The following ZNF423 variants were observed in gnomAD, a reference collection of about 807,000 sequenced individuals.
ZNF423 encodes the protein Ebf-associated zinc finger protein.
ZNF423 carries 12 observed loss-of-function variants against 95.8 expected under a neutral mutation model. The observed-to-expected ratio is 0.13, with a 90% CI of 0.08 to 0.20. The LOEUF is 0.20. Ranked by LOEUF, ZNF423 falls within the 10% of genes least tolerant of loss-of-function variation. The pLI, the probability that ZNF423 is intolerant of heterozygous loss-of-function variation, is 1.00. For missense variants in ZNF423, 1,316 were observed against 1,737.1 expected (o/e 0.76, Z 4.31); for synonymous variants, 749 against 711.9 (o/e 1.05, Z -0.83).
At chr16:49,771,192 C>CTTTTTTTTTTTT (rs71380376) in intron 2 of ZNF423, among the ~76,000 whole-genome samples, 263 of 89,400 alleles carry the variant, frequency 2.9e-3, no homozygotes, top group East Asian at 4.1e-3. Context: ...TTTTTTTTTT[C>CTTTTTTTTTTTT]TTTTTTTTTT....
intron 3 of ZNF423, among the ~76,000 whole-genome samples, chr16:49,705,985 CT>C (rs1264668178): frequency 1.3e-5 from 2 of 152,146 alleles, no homozygotes; most frequent in Non-Finnish European, 2.9e-5. Flanking sequence ...TCAGGAAAGG[CT>C]TCCAGGAAGA....
chr16:49,548,037 T>G (rs1482268175), intron 5 of ZNF423, among the ~76,000 whole-genome samples: 1 of 152,192 alleles, frequency 6.6e-6, no homozygotes, highest in Non-Finnish European at 1.5e-5. Context: ...GGAAAATGTA[T>G]CTGCCACTTT....
In ZNF423 at chr16:49,638,574, T is replaced by C. The variant is rs1210659727; in HGVS notation, c.602A>G (p.Lys201Arg). Residue 201 changes from lysine to arginine, a missense_variant, in exon 4 of 8, where the codon AAG (lysine) becomes AGG (arginine). Around this residue, in one of 6 missense-constraint regions of ZNF423, gnomAD observed 58 missense variants for 116.9 expected, o/e 0.50. Coordinates refer to ENST00000563137, the MANE Select transcript of ZNF423 (RefSeq NM_001379286.1). This position sits in a 1 kb window ranked among gnomAD's most constrained non-coding sequence, Gnocchi z 5.6. ...TGCCTCGCACTCGTGGCAGTGATAC[T>C]TCTTGTCGCCCGTATGCAGCTTGAT... ...RHIKLHTGDK[K>R]YHCHECEAAF... is the part of the protein sequence containing the mutation. 6.2e-7 allele frequency: 1 copy of C among 1,613,848 alleles called. No homozygotes were observed. Among genetic ancestry groups the C allele is most frequent in the Admixed American group, 1.7e-5 (1 of 60,018 alleles).
rs1972659667 is a variant in ZNF423, at chr16:49,635,601, G to A, written c.3516+59C>T. 1 of 1,499,536 alleles carries A rather than the reference G, an allele frequency of 6.7e-7. No individual in the cohort carries two copies. The highest frequency in any genetic ancestry group is 8.9e-7 in the Non-Finnish European group (1 of 1,126,668). The allele number at this position is 1,499,536 out of a possible 1,614,324, so 92.9% of individuals were successfully genotyped here. A position where few individuals can be genotyped will look rare whatever the true frequency, so the allele number is the denominator to read the frequency against. Reference sequence around the variant, plus strand: ...GCACTCAGGGTACGTGGCTCCTGTGGGGACCAGAGGAGCCCCAAGGAGAGG... The same window carrying A: ...GCACTCAGGGTACGTGGCTCCTGTGAGGACCAGAGGAGCCCCAAGGAGAGG... On this transcript the variant is annotated intron_variant, in intron 4 of 7. Transcript: ENST00000563137. The surrounding 1 kb of genome is among the most constrained non-coding windows in gnomAD (Gnocchi z 4.8).
At chr16:49,630,610 T>A (rs1358740926) in intron 4 of ZNF423, among the ~76,000 whole-genome samples, 1 of 151,998 alleles carries the variant, frequency 6.6e-6, no homozygotes, top group Non-Finnish European at 1.5e-5. Context: ...GCGATTTGCT[T>A]GGGTGCAAGT....
chr16:49,514,251 C>A (rs1435997507), intron 7 of ZNF423, among the ~76,000 whole-genome samples: 4 of 144,440 alleles, frequency 2.8e-5, no homozygotes, highest in African/African-American at 1.1e-4. Flanking sequence ...CACACGCACA[C>A]ACACACACAC....
rs535677195 is a variant in ZNF423, at chr16:49,816,944, C to G, written c.41-27398G>C. ...AATCAGTATGCTCAAGGCACCATCC[C>G]AAGTACTGAGGACACAGTTGACTGC... is the stretch of plus-strand genomic sequence containing the variant. On this transcript the variant is annotated intron_variant, in intron 1 of 7. Coordinates refer to ENST00000563137, the MANE Select transcript of ZNF423 (RefSeq NM_001379286.1). Among the ~76,000 whole-genome samples the G allele has an allele frequency of 5.9e-4, 90 of 152,284 alleles. 1 individual carries two copies. The highest frequency in any genetic ancestry group is 2.1e-3 in the African/African-American group (88 of 41,530).
At chr16:49,755,424 T>G (rs2033708493) in intron 2 of ZNF423, among the ~76,000 whole-genome samples, 1 of 152,150 alleles carries the variant, frequency 6.6e-6, no homozygotes. Flanking sequence ...CAAGGAAAGT[T>G]CATTTCTGCT....
At chr16:49,573,062 G>A (rs1028039239) in intron 5 of ZNF423, among the ~76,000 whole-genome samples, 5 of 152,288 alleles carry the variant, frequency 3.3e-5, no homozygotes, top group East Asian at 1.9e-4. Flanking sequence ...GCAAATGGGC[G>A]AGTGAATGGT....
chr16:49,724,243 T>C (rs965324702), intron 3 of ZNF423, among the ~76,000 whole-genome samples: 2 of 152,236 alleles, frequency 1.3e-5, no homozygotes, highest in Non-Finnish European at 2.9e-5. Flanking sequence ...GTTTGCTCCC[T>C]GGTTTTTATA....
At chr16:49,710,246 C>T (rs962457160) in intron 3 of ZNF423, among the ~76,000 whole-genome samples, 1 of 152,202 alleles carries the variant, frequency 6.6e-6, no homozygotes, top group Admixed American at 6.5e-5. Context: ...GACCCTAAAA[C>T]ACCTCAGCTC....
intron 3 of ZNF423, among the ~76,000 whole-genome samples, chr16:49,650,816 C>T (rs1973372913): frequency 6.6e-6 from 1 of 152,196 alleles, no homozygotes; most frequent in South Asian, 2.1e-4. Flanking sequence ...AACTTCCAAC[C>T]CAGGGCTCTT....
intron 4 of ZNF423, among the ~76,000 whole-genome samples, chr16:49,627,857 T>C (rs1385423354): frequency 1.6e-5 from 2 of 123,982 alleles, no homozygotes; most frequent in South Asian, 3.0e-4. Flanking sequence ...CATCCATCCA[T>C]CCAACCATCC....
intron 5 of ZNF423, among the ~76,000 whole-genome samples, chr16:49,537,739 T>C (rs1969104233): frequency 1.3e-5 from 2 of 152,156 alleles, no homozygotes; most frequent in Admixed American, 1.3e-4. Context: ...CCTAACAAAA[T>C]ACCACCTTCT....
At chr16:49,818,328 T>C (rs2034888588) in intron 1 of ZNF423, among the ~76,000 whole-genome samples, 1 of 152,138 alleles carries the variant, frequency 6.6e-6, no homozygotes, top group Non-Finnish European at 1.5e-5. Context: ...GGATCTGCAT[T>C]GCTACCAAGT....
At chr16:49,623,766 C>G (rs1300119563) in intron 5 of ZNF423, among the ~76,000 whole-genome samples, 1 of 152,178 alleles carries the variant, frequency 6.6e-6, no homozygotes, top group Non-Finnish European at 1.5e-5. Context: ...CAGGTGAGCC[C>G]CACCACACAC....
chr16:49,805,286 TAG>T (rs2034644681), intron 1 of ZNF423, among the ~76,000 whole-genome samples: 1 of 152,154 alleles, frequency 6.6e-6, no homozygotes, highest in Non-Finnish European at 1.5e-5. Context: ...TCAGAGACAC[TAG>T]AGACAACCAT....
chr16:49,845,469 G>A (rs886925752), intron 1 of ZNF423, among the ~76,000 whole-genome samples: 5 of 151,404 alleles, frequency 3.3e-5, no homozygotes, highest in South Asian at 2.1e-4. Context: ...ACTCGAACAC[G>A]TAGCCTCGCC....
intron 1 of ZNF423, among the ~76,000 whole-genome samples, chr16:49,849,843 A>G (rs1277693141): frequency 2.0e-5 from 3 of 152,230 alleles, no homozygotes; most frequent in Non-Finnish European, 4.4e-5. Context: ...AACAACAGCA[A>G]CGTAACAAAG....
Sources: gnomAD v4.1 joint callset for allele counts (sites outside exome capture counted in the v4.1 genomes callset) on GRCh38, gnomAD v4.1.1 for gene constraint, gnomAD v4.1.1 regional missense constraint, Gnocchi (gnomAD v3.1) non-coding constraint, MANE v1.5 for transcripts, NCBI Gene and HGNC (gene_info 2026-07-23, HGNC 2026-07-21) for gene names.